TRIM33: variants seen among roughly 807,000 people sequenced by gnomAD.
TRIM33 encodes E3 ubiquitin-protein ligase TRIM33.
In TRIM33, 20 loss-of-function variants were observed where a neutral mutation model predicts 125.4. The observed-to-expected ratio is 0.16, with a 90% CI of 0.11 to 0.23. TRIM33 has a LOEUF of 0.23. Among genes scored for constraint, TRIM33 ranks in the 10% least tolerant of loss-of-function variants. The pLI is 1.00. For missense variants in TRIM33, 920 were observed against 1,411.4 expected, an observed-to-expected ratio of 0.65 and a Z score of 5.58; for synonymous variants, 564 against 513.9, an observed-to-expected ratio of 1.10 and a Z score of -1.32.
intron 4 of TRIM33, among the ~76,000 whole-genome samples, chr1:114,448,988 T>C (rs1649156382): frequency 6.6e-6 from 1 of 152,092 alleles, no homozygotes; most frequent in Non-Finnish European, 1.5e-5. Context: ...ATATTAAAAT[T>C]GCTAGGACTT....
intron 1 of TRIM33, among the ~76,000 whole-genome samples, chr1:114,472,965 G>A (rs1650740380): frequency 6.6e-6 from 1 of 152,028 alleles, no homozygotes; most frequent in South Asian, 2.1e-4. Flanking sequence ...GTGTTATAAA[G>A]TTTTGGTGCC....
At chr1:114,469,650 T>G (rs1037517952) in intron 1 of TRIM33, among the ~76,000 whole-genome samples, 5 of 152,164 alleles carry the variant, frequency 3.3e-5, no homozygotes, top group African/African-American at 1.2e-4. Flanking sequence ...AAAACAATAA[T>G]TATGTTCTGG....
intron 4 of TRIM33, among the ~76,000 whole-genome samples, chr1:114,437,879 T>C (rs1412804444): frequency 6.6e-6 from 1 of 152,170 alleles, no homozygotes; most frequent in Non-Finnish European, 1.5e-5. Flanking sequence ...AATACAGTTT[T>C]GTAAGAAGTT....
At chr1:114,425,920 G>A (rs1017003619) in intron 8 of TRIM33, among the ~76,000 whole-genome samples, 197 bp from the exon 9 acceptor site, 2 of 152,060 alleles carry the variant, frequency 1.3e-5, no homozygotes, top group African/African-American at 2.4e-5. Context: ...AATAAATGAC[G>A]TTTGGTTATT....
intron 1 of TRIM33, among the ~76,000 whole-genome samples, chr1:114,497,568 T>C (rs1033310241): frequency 1.3e-5 from 2 of 152,224 alleles, no homozygotes; most frequent in Non-Finnish European, 2.9e-5. Flanking sequence ...TCCAAAGTGC[T>C]GGGATTACAG....
In TRIM33 at chr1:114,393,368, C is replaced by A. The variant is rs1484741017; in HGVS notation, c.*4280G>T. The A allele has an allele frequency of 5.0e-6, 1 of 200,514 alleles. No individual in the cohort carries two copies. The highest frequency in any genetic ancestry group is 7.7e-5 in the East Asian group (1 of 13,012). The allele number at this position is 200,514 out of a possible 1,614,324, so 12.4% of individuals were successfully genotyped here. A position where few individuals can be genotyped will look rare whatever the true frequency, so the allele number is the denominator to read the frequency against. On this transcript the variant is annotated 3_prime_UTR_variant, in exon 20 of 20. Coordinates refer to ENST00000358465, the MANE Select transcript of TRIM33 (RefSeq NM_015906.4). ...CCATCCTTAAGATTGAAATTTAGGCCACACTTGAAAGGGAATATTGCAGTG... is the reference window on the plus strand; with the variant it reads ...CCATCCTTAAGATTGAAATTTAGGCAACACTTGAAAGGGAATATTGCAGTG...
At chr1:114,468,646 C>T (rs1572092154) in intron 1 of TRIM33, 1 of 426,788 alleles carries the variant, frequency 2.3e-6, no homozygotes, top group East Asian at 7.2e-5. Context: ...CAAGAACCAG[C>T]TGAACCAGAG....
In TRIM33 at chr1:114,481,661, G is replaced by A. The variant is rs567365555; in HGVS notation, c.527-17273C>T. On this transcript the variant is annotated intron_variant, in intron 1 of 19. Transcript: ENST00000358465. Reference sequence around the variant, plus strand: ...TATATGTGTGTGTGTGTGTGTGTGTGTATATATATGTGTGTATATATATAT... The same window carrying A: ...TATATGTGTGTGTGTGTGTGTGTGTATATATATATGTGTGTATATATATAT... 5.4e-4 allele frequency among the ~76,000 whole-genome samples: 78 copies of A among 145,010 alleles called. 1 individual carries two copies. The highest frequency in any genetic ancestry group is 2.3e-3 in the East Asian group (12 of 5,134).
At chr1:114,473,422 A>G (rs1367494922) in intron 1 of TRIM33, among the ~76,000 whole-genome samples, 1 of 152,014 alleles carries the variant, frequency 6.6e-6, no homozygotes, top group Non-Finnish European at 1.5e-5. Context: ...TTGTTCCCCT[A>G]TTGGTGAGGG....
At chr1:114,473,534 G>C (rs1415332473) in intron 1 of TRIM33, among the ~76,000 whole-genome samples, 2 of 152,106 alleles carry the variant, frequency 1.3e-5, no homozygotes, top group Admixed American at 6.5e-5. Context: ...CAGGAAATCG[G>C]AATGAATCAG....
chr1:114,402,891 G>C lies in TRIM33; in HGVS notation c.2769-8C>G, dbSNP rs761957924. On this transcript the variant is annotated splice_region_variant and splice_polypyrimidine_tract_variant and intron_variant, in intron 15 of 19. Transcript: ENST00000358465. ...GTGCATATCCAGTCCCCACTAGACA[G>C]GGAAATAGGCAATTAGTCCACGTAA... 1.1e-5 allele frequency: 17 copies of C among 1,608,118 alleles called. No individual in the cohort carries two copies. The Admixed American group carries it at 2.7e-4, about 26-fold the overall frequency.
chr1:114,408,084 C>T (rs973641171), intron 13 of TRIM33, among the ~76,000 whole-genome samples: 2 of 152,160 alleles, frequency 1.3e-5, no homozygotes, highest in South Asian at 2.1e-4. Flanking sequence ...TCTCCCTTCC[C>T]CCAAATCAAA....
intron 4 of TRIM33, among the ~76,000 whole-genome samples, chr1:114,455,666 A>C (rs998218568): frequency 8.5e-5 from 13 of 152,206 alleles, no homozygotes; most frequent in African/African-American, 2.9e-4. Context: ...ATGGAATTGA[A>C]ACAAAGGTCT....
chr1:114,510,425 AC>A, intron 1 of TRIM33, 125 bp downstream of exon 1: 1 of 853,700 alleles, frequency 1.2e-6, no homozygotes, highest in South Asian at 2.4e-5. Context: ...CGAGTCTTTC[AC>A]CTTAGAGACC....
intron 1 of TRIM33, among the ~76,000 whole-genome samples, chr1:114,497,784 A>C (rs935244817): frequency 6.6e-6 from 1 of 152,124 alleles, no homozygotes; most frequent in Non-Finnish European, 1.5e-5. Context: ...AGAAGCACAG[A>C]ATCTTCCATC....
chr1:114,398,067 G>T, intron 18 of TRIM33, 77 bp from the exon 19 acceptor site: 1 of 1,509,512 alleles, frequency 6.6e-7, no homozygotes. Flanking sequence ...GCATAGGATT[G>T]GCGACGAAAA....
intron 8 of TRIM33, among the ~76,000 whole-genome samples, chr1:114,426,560 C>T (rs1287234573): frequency 6.6e-6 from 1 of 150,800 alleles, no homozygotes; most frequent in Non-Finnish European, 1.5e-5. Context: ...TTTACAATTC[C>T]CACTGTTTAG....
Position 114,510,573 on chromosome 1 carries a change from G to GC in TRIM33, c.503dup (p.Ser169GlnfsTer28). 2.6e-6 allele frequency: 4 copies of GC among 1,515,410 alleles called. No individual in the cohort carries two copies. Among genetic ancestry groups the GC allele is most frequent in the Non-Finnish European group, 2.6e-6 (3 of 1,135,432 alleles). 93.9% of individuals were successfully genotyped at this position (1,515,410 alleles called of 1,614,324 possible). ...CACCTTGCTGGATGTCGCCGTTGCT[G>GC]CCCCCCGGGATGGGCACGCTGAGCT... On this transcript the variant is annotated frameshift_variant, in exon 1 of 20. Coordinates refer to ENST00000358465, the MANE Select transcript of TRIM33 (RefSeq NM_015906.4). LOFTEE classifies it high-confidence loss of function.
chr1:114,450,955 T>C (rs879021805), intron 4 of TRIM33, among the ~76,000 whole-genome samples: 1 of 152,184 alleles, frequency 6.6e-6, no homozygotes, highest in Admixed American at 6.5e-5. Flanking sequence ...CTGGAACTCG[T>C]AATTTTTTTC....
Sources: allele counts gnomAD v4.1 joint callset (sites outside exome capture counted in the v4.1 genomes callset), GRCh38; gene constraint gnomAD v4.1.1; transcripts MANE v1.5; gene names NCBI Gene and HGNC (gene_info 2026-07-23, HGNC 2026-07-21).